PLEKHA7: variants seen among roughly 807,000 people sequenced by gnomAD.
The protein encoded by PLEKHA7 is pleckstrin homology domain containing A7.
PLEKHA7 carries 104 observed loss-of-function variants against 170.0 expected under a neutral mutation model. That is an observed-to-expected ratio of 0.61 (90% confidence interval 0.52 to 0.72). The LOEUF (loss-of-function observed/expected upper bound fraction) is 0.72. PLEKHA7 is among the 30% of genes least tolerant of loss of function. The pLI is 0.00. For synonymous variants in PLEKHA7, 648 were observed against 660.8 expected (o/e 0.98, Z 0.30); for missense variants, 1,615 against 1,671.7 (o/e 0.97, Z 0.59).
intron 13 of PLEKHA7, chr11:16,812,356 C>A (rs1160964076): frequency 1.3e-5 from 2 of 152,248 alleles, no homozygotes; most frequent in African/African-American, 4.8e-5. Context: ...GGGAGGCACG[C>A]CACCCCTCGT....
chr11:16,978,340 A>G (rs756496487), intron 3 of PLEKHA7, among the ~76,000 whole-genome samples: 1 of 152,194 alleles, frequency 6.6e-6, no homozygotes. Flanking sequence ...CGGGAAACAA[A>G]AGCAAGGCAT....
At chr11:16,844,911 T>C (rs890526782) in intron 8 of PLEKHA7, among the ~76,000 whole-genome samples, 3 of 152,222 alleles carry the variant, frequency 2.0e-5, no homozygotes, top group African/African-American at 7.2e-5. Context: ...GTATTTACTA[T>C]GTGAAAGGCA....
intron 17 of PLEKHA7, among the ~76,000 whole-genome samples, chr11:16,795,903 T>C (rs1194343918): frequency 7.8e-6 from 1 of 128,296 alleles, no homozygotes; most frequent in Non-Finnish European, 1.6e-5. Context: ...TTGCCCAGGC[T>C]AGAGTACAAT....
At chr11:16,990,293 A>AAAC (rs1415613926) in intron 3 of PLEKHA7, among the ~76,000 whole-genome samples, 3 of 150,632 alleles carry the variant, frequency 2.0e-5, no homozygotes, top group East Asian at 1.9e-4. Flanking sequence ...AAAAAAAAAA[A>AAAC]AAAAAACTTC....
chr11:16,801,624 C>T lies in PLEKHA7; in HGVS notation c.2307+44G>A, dbSNP rs778730576. 2.0e-5 allele frequency: 33 copies of T among 1,610,748 alleles called. No individual in the cohort carries two copies. The South Asian group carries it at 3.5e-4, about 17-fold the overall frequency. On this transcript the variant is annotated intron_variant, in intron 16 of 26. Coordinates refer to ENST00000531066, the MANE Select transcript of PLEKHA7 (RefSeq NM_001329630.2). ...GGGAGGGGAGAAAAGCAGCCCCTTGCTCAGCCCGTCCTGAGGGAGACAGGT... is the reference window on the plus strand; with the variant it reads ...GGGAGGGGAGAAAAGCAGCCCCTTGTTCAGCCCGTCCTGAGGGAGACAGGT...
At chr11:16,795,742 T>C (rs1447808100) in intron 17 of PLEKHA7, among the ~76,000 whole-genome samples, 3 of 149,478 alleles carry the variant, frequency 2.0e-5, no homozygotes, top group Non-Finnish European at 4.4e-5. Flanking sequence ...TGAGCCGAGA[T>C]CATATCACTG....
chr11:16,880,113 G>C (rs1048645524), intron 3 of PLEKHA7, among the ~76,000 whole-genome samples: 1 of 152,180 alleles, frequency 6.6e-6, no homozygotes, highest in Non-Finnish European at 1.5e-5. Context: ...AATGTGACAG[G>C]AGCTGAGTAC....
intron 3 of PLEKHA7, among the ~76,000 whole-genome samples, chr11:16,965,775 C>T (rs1448981287): frequency 6.6e-6 from 1 of 152,184 alleles, no homozygotes; most frequent in Non-Finnish European, 1.5e-5. Flanking sequence ...TATGAAATGG[C>T]AACAAAATAC....
intron 10 of PLEKHA7, among the ~76,000 whole-genome samples, chr11:16,822,492 T>A (rs1850302234): frequency 7.2e-6 from 1 of 139,408 alleles, no homozygotes; most frequent in African/African-American, 2.8e-5. Flanking sequence ...AGTGTCTGCT[T>A]TTGGTAGGGG....
rs1307700793 is a variant in PLEKHA7, at chr11:16,826,594, C to A, written c.873-4G>T. 1 of 1,608,244 alleles carries A rather than the reference C, an allele frequency of 6.2e-7. No individual in the cohort carries two copies. The highest frequency in any genetic ancestry group is 1.7e-5 in the Admixed American group (1 of 59,908). On this transcript the variant is annotated splice_region_variant and splice_polypyrimidine_tract_variant and intron_variant, in intron 9 of 26. Transcript: ENST00000531066. ...CCGCTCCACCTTCTCCATATCCCTG[C>A]AATGACAGCAGCACATTCAGTTTGC...
At position 16,957,693 on chromosome 11, in the gene PLEKHA7, TTTTC is replaced by T. The variant is rs1353884907; in HGVS notation, c.221+56292_221+56295del. Among the ~76,000 whole-genome samples, 126 of 127,544 alleles carry T rather than the reference TTTTC, an allele frequency of 9.9e-4. 5 individuals are homozygous for T. Among genetic ancestry groups the T allele is most frequent in the African/African-American group, 2.9e-3 (97 of 33,686 alleles). 83.7% of individuals were successfully genotyped at this position (127,544 alleles called of 152,430 possible). On this transcript the variant is annotated intron_variant, in intron 3 of 26. Coordinates refer to ENST00000531066, the MANE Select transcript of PLEKHA7 (RefSeq NM_001329630.2). The stretch of plus-strand genomic sequence containing the variant: ...TACATGAATTTTACCTCAATAATTT[TTTTC>T]TTTTTTTTTTTTTTTTTTTTTTTTG...
intron 8 of PLEKHA7, among the ~76,000 whole-genome samples, chr11:16,844,823 G>T (rs1007402160): frequency 6.6e-6 from 1 of 152,112 alleles, no homozygotes; most frequent in South Asian, 2.1e-4. Context: ...GAAAATAGAG[G>T]AGCACCCAAA....
intron 3 of PLEKHA7, among the ~76,000 whole-genome samples, chr11:16,961,165 A>G (rs1862036496): frequency 1.3e-5 from 2 of 152,236 alleles, no homozygotes; most frequent in Non-Finnish European, 2.9e-5. Context: ...CGGGTCATTC[A>G]GCGAAGTTTC....
intron 3 of PLEKHA7, among the ~76,000 whole-genome samples, chr11:16,945,626 T>A (rs1342685223): frequency 4.6e-5 from 7 of 152,214 alleles, no homozygotes; most frequent in Admixed American, 4.6e-4. Context: ...AGAAGCTCCA[T>A]AAAGTTTCTA....
chr11:16,835,257 C>G lies in PLEKHA7; in HGVS notation c.872+6290G>C, dbSNP rs188829360. Among the ~76,000 whole-genome samples, 56 of 151,996 alleles carry G rather than the reference C, an allele frequency of 3.7e-4. No homozygotes were observed. In the East Asian group the frequency reaches 7.9e-3, roughly 22 times the overall value. Reference sequence around the variant, plus strand: ...CCGCACTCCAGCCTGGGTGACAGAGCGAGATTTTGTCTCAAATAAAAAAGT... The same window carrying G: ...CCGCACTCCAGCCTGGGTGACAGAGGGAGATTTTGTCTCAAATAAAAAAGT... On this transcript the variant is annotated intron_variant, in intron 9 of 26. Coordinates refer to ENST00000531066, the MANE Select transcript of PLEKHA7 (RefSeq NM_001329630.2).
intron 3 of PLEKHA7, among the ~76,000 whole-genome samples, chr11:16,877,321 A>G (rs920303982): frequency 6.6e-6 from 1 of 152,196 alleles, no homozygotes; most frequent in Non-Finnish European, 1.5e-5. Context: ...GTTCCTAGTT[A>G]GGTCTCAAAA....
intron 3 of PLEKHA7, among the ~76,000 whole-genome samples, chr11:16,977,337 C>T (rs1863131523): frequency 6.6e-6 from 1 of 152,126 alleles, no homozygotes; most frequent in Non-Finnish European, 1.5e-5. Flanking sequence ...TCAAGAGCCC[C>T]CACTTCAGCC....
At chr11:16,882,403 GC>G (rs1855777551) in intron 3 of PLEKHA7, among the ~76,000 whole-genome samples, 1 of 152,148 alleles carries the variant, frequency 6.6e-6, no homozygotes, top group African/African-American at 2.4e-5. Context: ...CCCAGGAAGA[GC>G]CCTACCAATG....
At chr11:16,998,686 C>G (rs1864484810) in intron 3 of PLEKHA7, among the ~76,000 whole-genome samples, 1 of 28,636 alleles carries the variant, frequency 3.5e-5, no homozygotes, top group Admixed American at 5.3e-4. Context: ...ATCTACACAC[C>G]AAAGCTAAAA....
Sources: allele counts gnomAD v4.1 joint callset (sites outside exome capture counted in the v4.1 genomes callset), GRCh38; gene constraint gnomAD v4.1.1; transcripts MANE v1.5; gene names NCBI Gene and HGNC (gene_info 2026-07-23, HGNC 2026-07-21).